The following TNRC6B variants were observed in gnomAD, a reference collection of about 807,000 sequenced individuals.
TNRC6B encodes trinucleotide repeat containing adaptor 6B, also known as trinucleotide repeat-containing gene 6B protein.
TNRC6B carries 52 observed loss-of-function variants against 203.6 expected under a neutral mutation model. The ratio of observed to expected loss-of-function variants is 0.26; its 90% CI spans 0.20 to 0.32. The LOEUF (loss-of-function observed/expected upper bound fraction) is 0.32, where lower values mean the gene tolerates loss of function less well. TNRC6B is among the 10% of genes least tolerant of loss of function. TNRC6B has a pLI of 1.00. For missense variants in TNRC6B, 1,923 were observed against 2,286.2 expected (o/e 0.84, Z 3.24); for synonymous variants, 838 against 845.7 (o/e 0.99, Z 0.16).
At chr22:40,057,596 A>G (rs1352672627) in intron 1 of TNRC6B, among the ~76,000 whole-genome samples, 1 of 152,164 alleles carries the variant, frequency 6.6e-6, no homozygotes, top group Non-Finnish European at 1.5e-5. Context: ...CAGAATTTTC[A>G]TAATGGTGTT....
At position 40,326,998 on chromosome 22, in the gene TNRC6B, GTTTCC is replaced by G. The variant is rs1272793207; in HGVS notation, c.*3762_*3766del. ...CATCCCTTAGCCGGAGATGTGGAGT[GTTTCC>G]TTTCAGTTTTTGGTGATGTTGAATT... On this transcript the variant is annotated 3_prime_UTR_variant, in exon 23 of 23. Transcript: ENST00000454349. 2.6e-5 allele frequency: 4 copies of G among 152,650 alleles called. No homozygotes were observed. Among genetic ancestry groups the G allele is most frequent in the African/African-American group, 9.6e-5 (4 of 41,462 alleles). 9.5% of individuals were successfully genotyped at this position (152,650 alleles called of 1,614,324 possible). A position where few individuals can be genotyped will look rare whatever the true frequency, so the allele number is the denominator to read the frequency against.
At position 40,324,702 on chromosome 22, in the gene TNRC6B, C is replaced by T. The variant is rs957752097; in HGVS notation, c.*1461C>T. On this transcript the variant is annotated 3_prime_UTR_variant, in exon 23 of 23. Coordinates refer to ENST00000454349, the MANE Select transcript of TNRC6B (RefSeq NM_001162501.2). ...TTCTTAAACCAGTGTGTACTTCAAG[C>T]GTTTCCTTTTGTTTCTCTGTGTTGT... 6 of 152,538 alleles carry T rather than the reference C, an allele frequency of 3.9e-5. No individual in the cohort carries two copies. Among genetic ancestry groups the T allele is most frequent in the Admixed American group, 2.6e-4 (4 of 15,276 alleles). The allele number at this position is 152,538 out of a possible 1,614,324, so 9.4% of individuals were successfully genotyped here.
intron 1 of TNRC6B, among the ~76,000 whole-genome samples, chr22:40,110,109 A>G (rs1394028858): frequency 2.0e-5 from 3 of 152,216 alleles, no homozygotes; most frequent in Non-Finnish European, 4.4e-5. Context: ...TCACCAATAA[A>G]TTGGTCACAA....
chr22:40,277,046 G>A (rs755092898), intron 7 of TNRC6B, 31 bp from the exon 8 acceptor site: 1 of 1,524,340 alleles, frequency 6.6e-7, no homozygotes, highest in South Asian at 1.3e-5. Context: ...TAAATTATTT[G>A]GTTCTGAGGT....
chr22:40,151,220 G>A (rs902927537), intron 3 of TNRC6B, among the ~76,000 whole-genome samples: 1 of 151,536 alleles, frequency 6.6e-6, no homozygotes, highest in Non-Finnish European at 1.5e-5. Context: ...GCAGTGAGCC[G>A]AGATCACGCC....
chr22:40,069,481 T>C (rs919936624), intron 1 of TNRC6B, among the ~76,000 whole-genome samples: 2 of 151,752 alleles, frequency 1.3e-5, no homozygotes, highest in African/African-American at 4.8e-5. Flanking sequence ...GTAAGAGCTT[T>C]TTTTTTTTAA....
At chr22:40,207,416 A>T (rs948829330) in intron 1 of TNRC6B, among the ~76,000 whole-genome samples, 2 of 114,672 alleles carry the variant, frequency 1.7e-5, no homozygotes, top group East Asian at 2.0e-4. Context: ...CAAAAAAAAA[A>T]AAATATATAT....
intron 1 of TNRC6B, among the ~76,000 whole-genome samples, chr22:40,049,247 T>C (rs1389123405): frequency 6.6e-6 from 1 of 151,964 alleles, no homozygotes; most frequent in African/African-American, 2.4e-5. Flanking sequence ...GATTTCACCA[T>C]GTTGGCCAGG....
At chr22:40,070,753 G>A (rs1257342718) in intron 1 of TNRC6B, among the ~76,000 whole-genome samples, 1 of 151,876 alleles carries the variant, frequency 6.6e-6, no homozygotes, top group Non-Finnish European at 1.5e-5. Flanking sequence ...ACTCTTAAGG[G>A]CCAGATGTAT....
intron 15 of TNRC6B, among the ~76,000 whole-genome samples, chr22:40,303,377 T>C (rs2071050933): frequency 6.6e-6 from 1 of 152,162 alleles, no homozygotes; most frequent in Non-Finnish European, 1.5e-5. Context: ...CATACACATA[T>C]ATACGTATTT....
Position 40,301,224 on chromosome 22 carries a change from C to T in TNRC6B, c.4011C>T (p.Pro1337=), listed in dbSNP as rs768251791. 5 of 1,558,454 alleles carry T rather than the reference C, an allele frequency of 3.2e-6. No individual in the cohort carries two copies. The highest frequency in any genetic ancestry group is 3.5e-6 in the Non-Finnish European group (4 of 1,150,652). The change falls in exon 15 of 23, where the codon CCC becomes CCT. Residue 1337 remains proline, a synonymous_variant. Coordinates refer to ENST00000454349, the MANE Select transcript of TNRC6B (RefSeq NM_001162501.2). Reference sequence around the variant, plus strand: ...GGCAGCCAGGCATGAAGCACTCGCCCTCTCATCCTGTTGGGCCCAAGCCGC... The same window carrying T: ...GGCAGCCAGGCATGAAGCACTCGCCTTCTCATCCTGTTGGGCCCAAGCCGC... The part of the protein sequence containing the change: ...QQRQPGMKHS[P]SHPVGPKPHL...
chr22:40,167,704 C>CAA (rs58022219), intron 4 of TNRC6B, among the ~76,000 whole-genome samples: 19 of 59,022 alleles, frequency 3.2e-4, no homozygotes, highest in East Asian at 1.9e-3. Flanking sequence ...CCATCGCTAC[C>CAA]AAAAAAAAAA....
Position 40,323,129 on chromosome 22 carries a change from A to G in TNRC6B, c.5390A>G (p.Asn1797Ser), listed in dbSNP as rs2071360391. 3.1e-6 allele frequency: 5 copies of G among 1,613,450 alleles called. No individual in the cohort carries two copies. The Admixed American group carries it at 8.3e-5, about 27-fold the overall frequency. Residue 1797 changes from asparagine (N) to serine (S), a missense_variant, in exon 23 of 23, where the codon AAC becomes AGC. By Grantham distance (46) the Asn-to-Ser change is conservative. Coordinates refer to ENST00000454349, the MANE Select transcript of TNRC6B (RefSeq NM_001162501.2). ...GGCGCTTCATTGTGGGGGCCCCCAA[A>G]CTATTCTTCTAGCTTATGGGGAGTC... is the stretch of plus-strand genomic sequence containing the variant. ...LAGASLWGPP[N>S]YSSSLWGVPT...
At chr22:40,144,067 C>T (rs2068669430) in intron 3 of TNRC6B, among the ~76,000 whole-genome samples, 1 of 152,116 alleles carries the variant, frequency 6.6e-6, no homozygotes, top group Admixed American at 6.5e-5. Context: ...ACTAATAATA[C>T]CAGGTGTTGG....
At chr22:40,195,935 A>C (rs923893988) in intron 1 of TNRC6B, among the ~76,000 whole-genome samples, 1 of 151,886 alleles carries the variant, frequency 6.6e-6, no homozygotes, top group Non-Finnish European at 1.5e-5. Context: ...ACGCCCAGCT[A>C]ATTTTTTTTG....
chr22:40,152,995 G>T (rs898097384), intron 3 of TNRC6B, among the ~76,000 whole-genome samples: 1 of 151,814 alleles, frequency 6.6e-6, no homozygotes, highest in African/African-American at 2.4e-5. Flanking sequence ...CCAACTACTC[G>T]GGAGGCTGAG....
At chr22:40,283,460 A>G (rs764434728) in intron 11 of TNRC6B, among the ~76,000 whole-genome samples, 5 of 152,176 alleles carry the variant, frequency 3.3e-5, no homozygotes, top group African/African-American at 9.7e-5. Flanking sequence ...CCTGGCCTTT[A>G]TAAGTTTTTG....
chr22:40,317,896 TG>T (rs1421732123), intron 21 of TNRC6B, among the ~76,000 whole-genome samples: 2 of 152,246 alleles, frequency 1.3e-5, no homozygotes, highest in Admixed American at 6.5e-5. Context: ...ATGCATTCTC[TG>T]GCATTTAATT....
intron 1 of TNRC6B, among the ~76,000 whole-genome samples, chr22:40,067,738 C>T (rs1004173807): frequency 2.0e-5 from 3 of 152,124 alleles, no homozygotes; most frequent in African/African-American, 7.3e-5. Flanking sequence ...ACAGAGAATG[C>T]ACCCTTCTTC....
Sources: allele counts gnomAD v4.1 joint callset (sites outside exome capture counted in the v4.1 genomes callset), GRCh38; gene constraint gnomAD v4.1.1; transcripts MANE v1.5; gene names NCBI Gene and HGNC (gene_info 2026-07-23, HGNC 2026-07-21).